Variants in HYDIN observed in about 807,000 individuals in gnomAD.
HYDIN encodes HYDIN axonemal central pair apparatus protein.
HYDIN carries 132 observed loss-of-function variants against 403.9 expected under a neutral mutation model. The observed-to-expected ratio is 0.33, with a 90% CI of 0.28 to 0.38. The LOEUF is 0.38. HYDIN is among the 10% of genes least tolerant of loss of function. The pLI is 1.00. For synonymous variants in HYDIN, 1,202 were observed against 1,891.7 expected, an observed-to-expected ratio of 0.64 and a Z score of 9.46; for missense variants, 2,827 against 5,009.5, an observed-to-expected ratio of 0.56 and a Z score of 13.15.
chr16:70,947,466 A>G (rs1462369976), intron 41 of HYDIN, among the ~76,000 whole-genome samples: 1 of 151,736 alleles, frequency 6.6e-6, no homozygotes, highest in Non-Finnish European at 1.5e-5. Context: ...GGATTTTTGC[A>G]TCAATGTTCA....
At chr16:71,182,309 A>T (rs949993556) in intron 3 of HYDIN, among the ~76,000 whole-genome samples, 1 of 152,182 alleles carries the variant, frequency 6.6e-6, no homozygotes, top group African/African-American at 2.4e-5. Flanking sequence ...CATTTTAAAA[A>T]AACATTCTTA....
chr16:70,895,887 A>C, intron 54 of HYDIN, 94 bp downstream of exon 54: 1 of 1,455,902 alleles, frequency 6.9e-7, no homozygotes, highest in Non-Finnish European at 9.1e-7. Flanking sequence ...CAATCCCTGC[A>C]ATACTAACAA....
In HYDIN at chr16:71,067,300, T is replaced by C. The variant is rs1363494888; in HGVS notation, c.2065A>G (p.Ile689Val). The change falls in exon 15 of 86, where the codon ATT becomes GTT. Residue 689 changes from isoleucine to valine, a missense_variant. Coordinates refer to ENST00000393567, the MANE Select transcript of HYDIN (RefSeq NM_001270974.2). ...GCTGGGGAGCAATACCTTGCTGTAA[T>C]TAAGAGCGCCAGCACCTCTTCTCCG... ...GIGEEVLALLITARCVVPALH... is the reference protein window; with the variant it reads ...GIGEEVLALLVTARCVVPALH... The C allele has an allele frequency of 6.2e-7, 1 of 1,610,268 alleles. No individual in the cohort carries two copies.
At chr16:70,932,585 TG>T (rs1232488897) in intron 45 of HYDIN, among the ~76,000 whole-genome samples, 2 of 151,798 alleles carry the variant, frequency 1.3e-5, no homozygotes, top group East Asian at 1.9e-4. Context: ...GGCTAAGAAG[TG>T]GGTTTTTTTT....
chr16:70,877,622 C>T (rs1024174161), intron 62 of HYDIN, among the ~76,000 whole-genome samples: 40 of 152,280 alleles, frequency 2.6e-4, no homozygotes, highest in African/African-American at 7.7e-4. Context: ...ATCCCTCACA[C>T]GTGCAGTTCA....
rs963909991 is a variant in HYDIN at position 70,808,576 on chromosome 16, G to T, written c.14884-514C>A. On this transcript the variant is annotated intron_variant, in intron 85 of 85. Coordinates refer to ENST00000393567, the MANE Select transcript of HYDIN (RefSeq NM_001270974.2). ...ATCCCAAGAGACTGAGATGAGCAGG[G>T]TCCCCTGCTGGCCTCTCTGGAAAAT... Among the ~76,000 whole-genome samples, 4 of 152,270 alleles carry T rather than the reference G, an allele frequency of 2.6e-5. No individual in the cohort carries two copies. The East Asian group carries it at 7.7e-4, about 29-fold the overall frequency.
intron 18 of HYDIN, among the ~76,000 whole-genome samples, chr16:71,049,902 G>C (rs1236681439): frequency 7.0e-6 from 1 of 143,686 alleles, no homozygotes; most frequent in Non-Finnish European, 1.5e-5. Context: ...GAAACATACT[G>C]AAGAGGCAAC....
Position 71,184,747 on chromosome 16 carries a change from T to C in HYDIN, c.261+118A>G, listed in dbSNP as rs1255584994. 19 of 839,150 alleles carry C rather than the reference T, an allele frequency of 2.3e-5. No individual in the cohort carries two copies. The Admixed American group carries it at 4.1e-4, about 18-fold the overall frequency. 52.0% of individuals were successfully genotyped at this position (839,150 alleles called of 1,614,324 possible). A position where few individuals can be genotyped will look rare whatever the true frequency, so the allele number is the denominator to read the frequency against. ...GACATTCAGAGGCAGAAAAGGAGGA[T>C]TGAAAACAAACCCAATAAAGGATTA... On this transcript the variant is annotated intron_variant, in intron 3 of 85. Coordinates refer to ENST00000393567, the MANE Select transcript of HYDIN (RefSeq NM_001270974.2).
chr16:71,066,113 C>T (rs2082255671), intron 15 of HYDIN, among the ~76,000 whole-genome samples: 1 of 146,182 alleles, frequency 6.8e-6, no homozygotes, highest in Admixed American at 6.8e-5. Context: ...CTCTTTAGAC[C>T]TTTTTTTTTT....
At chr16:71,202,197 T>C (rs1291965678) in intron 1 of HYDIN, among the ~76,000 whole-genome samples, 2 of 152,220 alleles carry the variant, frequency 1.3e-5, no homozygotes, top group African/African-American at 2.4e-5. Flanking sequence ...GAGAATTTGC[T>C]TCAACTATTA....
chr16:71,139,741 CAAGG>C (rs937941982), intron 7 of HYDIN, among the ~76,000 whole-genome samples: 8 of 151,576 alleles, frequency 5.3e-5, no homozygotes, highest in African/African-American at 1.7e-4. Context: ...GGATAAGATA[CAAGG>C]AAGATAAAGT....
chr16:71,184,125 G>C (rs1240180654), intron 3 of HYDIN, among the ~76,000 whole-genome samples: 1 of 152,100 alleles, frequency 6.6e-6, no homozygotes, highest in Non-Finnish European at 1.5e-5. Context: ...TGGTGTAGCA[G>C]TAACAGCAGA....
At position 71,179,026 on chromosome 16, in the gene HYDIN, G is replaced by C; in HGVS notation, c.283C>G (p.Gln95Glu). 6.2e-7 allele frequency: 1 copy of C among 1,610,546 alleles called. No individual in the cohort carries two copies. Among genetic ancestry groups the C allele is most frequent in the Non-Finnish European group, 8.5e-7 (1 of 1,178,082 alleles). ...HQKFSGIDLDQALFQPFPSEI... is the reference protein window; with the variant it reads ...HQKFSGIDLDEALFQPFPSEI... ...GATGGAAAGGGCTGGAATAATGCCT[G>C]ATCCAGGTCAATTCCTGAAAACTTC... is the stretch of plus-strand genomic sequence containing the variant. Residue 95 changes from glutamine (Q) to glutamate (E), a missense_variant, in exon 4 of 86, where the codon CAG becomes GAG. Physicochemically the swap from Gln to Glu is conservative, Grantham distance 29. Transcript: ENST00000393567.
intron 7 of HYDIN, among the ~76,000 whole-genome samples, chr16:71,149,679 G>A (rs918752044): frequency 9.2e-5 from 14 of 151,838 alleles, no homozygotes; most frequent in South Asian, 4.2e-4. Flanking sequence ...GGCACATGCC[G>A]CCATGCCTGC....
At chr16:70,933,508 G>A (rs529193641) in intron 45 of HYDIN, 1 of 150,984 alleles carries the variant, frequency 6.6e-6, no homozygotes, top group Non-Finnish European at 1.5e-5. Context: ...TGCCTGCTTT[G>A]GAGTTGGACA....
intron 18 of HYDIN, among the ~76,000 whole-genome samples, chr16:71,049,923 G>T (rs1382431299): frequency 6.9e-6 from 1 of 143,968 alleles, no homozygotes; most frequent in East Asian, 2.0e-4. Context: ...AGAGAGAGAT[G>T]AAGAGGTGAA....
At chr16:71,094,049 A>G in intron 10 of HYDIN, 114 bp from the exon 11 acceptor site, 1 of 764,426 alleles carries the variant, frequency 1.3e-6, no homozygotes, top group Non-Finnish European at 2.0e-6. Context: ...AGCTCCCTGC[A>G]TTGCACCGAG....
At position 71,070,321 on chromosome 16, in the gene HYDIN, C is replaced by CTTT. The variant is rs1228628094; in HGVS notation, c.1739-822_1739-820dup. Among the ~76,000 whole-genome samples the CTTT allele has an allele frequency of 3.0e-3, 416 of 137,338 alleles. 5 individuals carry two copies. The highest frequency in any genetic ancestry group is 9.7e-3 in the African/African-American group (371 of 38,356). 90.1% of individuals were successfully genotyped at this position (137,338 alleles called of 152,430 possible). On this transcript the variant is annotated intron_variant, in intron 13 of 85. Coordinates refer to ENST00000393567, the MANE Select transcript of HYDIN (RefSeq NM_001270974.2). ...TCCTCCTTCCTTCCTTCCTTTCTTT[C>CTTT]TTTTTTTTTTTTTTTGAGACAGAGT...
intron 18 of HYDIN, among the ~76,000 whole-genome samples, chr16:71,050,028 G>A (rs2081583783): frequency 1.6e-5 from 2 of 128,920 alleles, no homozygotes; most frequent in South Asian, 4.6e-4. Context: ...ACTGGTTGGG[G>A]TGTGTGTGTG....
Sources: gnomAD v4.1 joint callset for allele counts (sites outside exome capture counted in the v4.1 genomes callset) on GRCh38, gnomAD v4.1.1 for gene constraint, MANE v1.5 for transcripts, NCBI Gene and HGNC (gene_info 2026-07-23, HGNC 2026-07-21) for gene names.